The following CCDC91 variants were observed in gnomAD, a reference collection of about 807,000 sequenced individuals.
CCDC91 encodes coiled-coil domain containing 91, also known as coiled-coil domain-containing protein 91.
A neutral mutation model predicts 63.2 loss-of-function variants in CCDC91; 48 were observed. That is an observed-to-expected ratio of 0.76 (90% CI 0.60 to 0.97). The LOEUF (loss-of-function observed/expected upper bound fraction) is 0.97. Ranked by LOEUF, CCDC91 falls within the 50% of genes least tolerant of loss-of-function variation. CCDC91 has a pLI of 0.00. For synonymous variants in CCDC91, 167 were observed against 165.8 expected (o/e 1.01, Z -0.06); for missense variants, 500 against 494.6 (o/e 1.01, Z -0.10).
intron 12 of CCDC91, among the ~76,000 whole-genome samples, chr12:28,532,260 G>A (rs1262416345): frequency 1.3e-5 from 2 of 152,028 alleles, no homozygotes; most frequent in Admixed American, 6.6e-5. Flanking sequence ...TGATTGAGAT[G>A]GAGGGGTGAA....
chr12:28,358,276 C>A (rs1015469444), intron 6 of CCDC91, among the ~76,000 whole-genome samples: 3 of 152,088 alleles, frequency 2.0e-5, no homozygotes, highest in African/African-American at 7.2e-5. Context: ...CTACTTGAAC[C>A]TGTCAAGGAG....
chr12:28,261,520 G>A (rs1219948768), intron 3 of CCDC91, among the ~76,000 whole-genome samples: 2 of 152,006 alleles, frequency 1.3e-5, no homozygotes, highest in East Asian at 3.9e-4. Context: ...GCATTAGGGA[G>A]GTCAATGAGA....
chr12:28,273,076 G>A (rs1314786531), intron 3 of CCDC91, among the ~76,000 whole-genome samples: 2 of 147,976 alleles, frequency 1.4e-5, no homozygotes, highest in Non-Finnish European at 3.0e-5. Context: ...ACCTATGAGT[G>A]AGAACATGCG....
At chr12:28,546,894 G>A (rs1943028615) in intron 12 of CCDC91, among the ~76,000 whole-genome samples, 1 of 151,864 alleles carries the variant, frequency 6.6e-6, no homozygotes, top group Admixed American at 6.6e-5. Context: ...TCTTTTGAAG[G>A]GTGTGCACTC....
At chr12:28,230,017 C>T (rs1210147276) in intron 1 of CCDC91, among the ~76,000 whole-genome samples, 2 of 152,148 alleles carry the variant, frequency 1.3e-5, no homozygotes, top group Non-Finnish European at 2.9e-5. Flanking sequence ...ATTCATTCTT[C>T]TCAGAAATGA....
At chr12:28,343,651 A>C (rs547218720) in intron 6 of CCDC91, among the ~76,000 whole-genome samples, 1 of 152,100 alleles carries the variant, frequency 6.6e-6, no homozygotes, top group Admixed American at 6.6e-5. Context: ...TTCCTTTTTC[A>C]TCTTTATGGT....
At chr12:28,217,206 T>A (rs1943621003) in intron 1 of CCDC91, among the ~76,000 whole-genome samples, 1 of 152,096 alleles carries the variant, frequency 6.6e-6, no homozygotes, top group African/African-American at 2.4e-5. Context: ...CTAGAACAGA[T>A]TAGAATACAT....
At position 28,307,632 on chromosome 12, in the gene CCDC91, A is replaced by G. The variant is rs2137111433; in HGVS notation, c.472-13A>G. ...TAAATATTACAAAGCTTGTATTTGT[A>G]TTTTTATTTTAGGATGTGGAATCAT... On this transcript the variant is annotated splice_polypyrimidine_tract_variant and intron_variant, in intron 5 of 12. Transcript: ENST00000536442. 5 of 1,346,094 alleles carry G rather than the reference A, an allele frequency of 3.7e-6. No homozygotes were observed. Among genetic ancestry groups the G allele is most frequent in the Non-Finnish European group, 5.2e-6 (5 of 970,766 alleles). The allele number at this position is 1,346,094 out of a possible 1,614,324, so 83.4% of individuals were successfully genotyped here. A position where few individuals can be genotyped will look rare whatever the true frequency, so the allele number is the denominator to read the frequency against.
chr12:28,298,361 G>GTT (rs113354105), intron 3 of CCDC91, among the ~76,000 whole-genome samples: 24,066 of 121,918 alleles, frequency 0.2, 2,340 homozygotes, highest in South Asian at 0.35. Flanking sequence ...TGATTGTTGA[G>GTT]TTTTTTTTTT....
chr12:28,319,986 G>A (rs1172578376), intron 6 of CCDC91, among the ~76,000 whole-genome samples: 1 of 151,796 alleles, frequency 6.6e-6, no homozygotes, highest in Non-Finnish European at 1.5e-5. Context: ...AGAGATTCCA[G>A]GCTGTATGCT....
intron 7 of CCDC91, among the ~76,000 whole-genome samples, chr12:28,383,252 C>T (rs1267587245): frequency 6.6e-6 from 1 of 152,122 alleles, no homozygotes; most frequent in African/African-American, 2.4e-5. Context: ...GATCTACACC[C>T]ATAAGTTAAC....
At chr12:28,239,067 C>A (rs747779125) in intron 1 of CCDC91, among the ~76,000 whole-genome samples, 3 of 150,980 alleles carry the variant, frequency 2.0e-5, no homozygotes, top group Non-Finnish European at 2.9e-5. Flanking sequence ...TTGCAGTGAG[C>A]TGAGATCACA....
chr12:28,360,659 G>C (rs988044771), intron 6 of CCDC91, among the ~76,000 whole-genome samples: 1 of 152,048 alleles, frequency 6.6e-6, no homozygotes, highest in African/African-American at 2.4e-5. Flanking sequence ...TGGGATTTTA[G>C]TTTTTGTATT....
intron 3 of CCDC91, chr12:28,304,477 T>C (rs950398957): frequency 7.7e-6 from 2 of 260,112 alleles, no homozygotes; most frequent in Admixed American, 1.0e-4. Flanking sequence ...TGGCACATAA[T>C]ATGTCAAAAA....
At chr12:28,374,156 A>AC (rs1301051373) in intron 7 of CCDC91, among the ~76,000 whole-genome samples, 9 of 151,408 alleles carry the variant, frequency 5.9e-5, no homozygotes, top group Non-Finnish European at 1.2e-4. Flanking sequence ...CAGAAGTTCC[A>AC]CCCCCCTTTC....
At chr12:28,340,525 T>A (rs138290090) in intron 6 of CCDC91, among the ~76,000 whole-genome samples, 74 of 152,350 alleles carry the variant, frequency 4.9e-4, no homozygotes, top group Middle Eastern at 6.8e-3. Context: ...TGGCTCATGG[T>A]CCTCTTCCAT....
chr12:28,456,427 T>C (rs80154205), intron 11 of CCDC91, among the ~76,000 whole-genome samples: 1 of 152,122 alleles, frequency 6.6e-6, no homozygotes, highest in African/African-American at 2.4e-5. Flanking sequence ...TCATTTCATA[T>C]AAGTCAATTT....
intron 8 of CCDC91, among the ~76,000 whole-genome samples, chr12:28,427,343 T>G (rs1203821834): frequency 4.6e-5 from 7 of 152,168 alleles, no homozygotes; most frequent in Admixed American, 2.6e-4. Flanking sequence ...CTATTAAGAA[T>G]GCTCTGGGCA....
intron 1 of CCDC91, among the ~76,000 whole-genome samples, chr12:28,202,284 G>A (rs572073600): frequency 2.4e-4 from 37 of 152,262 alleles, no homozygotes; most frequent in Middle Eastern, 3.4e-3. Context: ...ACAATTAACT[G>A]CCTTTTTTCT....
Sources: allele counts gnomAD v4.1 joint callset (sites outside exome capture counted in the v4.1 genomes callset), GRCh38; gene constraint gnomAD v4.1.1; transcripts MANE v1.5; gene names NCBI Gene and HGNC (gene_info 2026-07-23, HGNC 2026-07-21).